Variants in PID1 observed in about 807,000 individuals in gnomAD.
The protein encoded by PID1 is PTB-containing, cubilin and LRP1-interacting protein.
A neutral mutation model predicts 19.1 loss-of-function variants in PID1; 10 were observed. The ratio of observed to expected loss-of-function variants is 0.52; its 90% CI spans 0.32 to 0.89. The LOEUF is 0.89. Among genes scored for constraint, PID1 ranks in the 40% least tolerant of loss-of-function variants. The probability of loss-of-function intolerance (pLI) is 0.03; values close to 1 mark genes in which losing one functional copy is unlikely to be tolerated. For missense variants in PID1, 248 were observed against 285.3 expected, an observed-to-expected ratio of 0.87 and a Z score of 0.94; for synonymous variants, 130 against 116.0, an observed-to-expected ratio of 1.12 and a Z score of -0.78.
chr2:229,207,516 G>A (rs145214538), intron 1 of PID1, among the ~76,000 whole-genome samples: 3 of 148,802 alleles, frequency 2.0e-5, no homozygotes, highest in Middle Eastern at 3.4e-3. Context: ...CTAGTAGGAC[G>A]ACCTCAATCT....
At chr2:229,180,553 G>A (rs1690918235) in intron 1 of PID1, among the ~76,000 whole-genome samples, 1 of 152,168 alleles carries the variant, frequency 6.6e-6, no homozygotes, top group Non-Finnish European at 1.5e-5. Context: ...AGGTTTCCAT[G>A]ATCCACCACA....
chr2:229,182,794 G>A (rs191274205), intron 1 of PID1, among the ~76,000 whole-genome samples: 7 of 152,276 alleles, frequency 4.6e-5, no homozygotes, highest in Non-Finnish European at 7.3e-5. Context: ...CTATGCCCAG[G>A]TCTGGGGAAA....
intron 2 of PID1, among the ~76,000 whole-genome samples, chr2:229,062,471 T>C (rs1253632415): frequency 6.6e-6 from 1 of 151,936 alleles, no homozygotes; most frequent in Non-Finnish European, 1.5e-5. Flanking sequence ...AACAATCCTT[T>C]TAATGCACTG....
intron 1 of PID1, among the ~76,000 whole-genome samples, chr2:229,232,431 C>CAAAAAA (rs386392861): frequency 2.4e-5 from 1 of 41,354 alleles, no homozygotes; most frequent in African/African-American, 1.1e-4. Flanking sequence ...GACTCCATCT[C>CAAAAAA]AAAAAAAAAA....
At chr2:229,122,986 T>G (rs1422438368) in intron 2 of PID1, among the ~76,000 whole-genome samples, 1 of 152,186 alleles carries the variant, frequency 6.6e-6, no homozygotes, top group African/African-American at 2.4e-5. Flanking sequence ...TACCTTACTG[T>G]TTTTTGTTTT....
In PID1 at chr2:229,204,765, C is replaced by G. The variant is rs147537133; in HGVS notation, c.31-48801G>C. 6.8e-4 allele frequency among the ~76,000 whole-genome samples: 104 copies of G among 152,176 alleles called. 1 individual carries two copies. The highest frequency in any genetic ancestry group is 2.4e-3 in the African/African-American group (98 of 41,530). On this transcript the variant is annotated intron_variant, in intron 1 of 2. Transcript: ENST00000392055. ...GAACAGTGAGGACTGCTATAAAGATCAAGTGAATGAATCATTATGGGTGGT... is the reference window on the plus strand; with the variant it reads ...GAACAGTGAGGACTGCTATAAAGATGAAGTGAATGAATCATTATGGGTGGT...
intron 2 of PID1, among the ~76,000 whole-genome samples, chr2:229,065,938 A>T (rs970403563): frequency 6.6e-6 from 1 of 152,160 alleles, no homozygotes; most frequent in Admixed American, 6.6e-5. Context: ...ACCCCCAAGT[A>T]AAACATTTCA....
rs574907952 is a variant in PID1, at chr2:229,151,850, G to A, written c.177+3968C>T. Among the ~76,000 whole-genome samples, 15 of 152,288 alleles carry A rather than the reference G, an allele frequency of 9.8e-5. 1 individual carries two copies. In the South Asian group the frequency reaches 2.9e-3, roughly 29 times the overall value. ...CTCCCAAAGTGCTGGGATTACAGGCGTGAGCCACCGCGCCCAGCTATTTTT... is the reference window on the plus strand; with the variant it reads ...CTCCCAAAGTGCTGGGATTACAGGCATGAGCCACCGCGCCCAGCTATTTTT... On this transcript the variant is annotated intron_variant, in intron 2 of 2. Transcript: ENST00000392055.
At chr2:229,065,729 A>AAAAAAAAAG (rs765746020) in intron 2 of PID1, among the ~76,000 whole-genome samples, 62 of 140,664 alleles carry the variant, frequency 4.4e-4, no homozygotes, top group East Asian at 1.3e-3. Flanking sequence ...AAAAAAAAAA[A>AAAAAAAAAG]AAACAGGTTG....
At chr2:229,253,615 A>AC (rs1690211289) in intron 1 of PID1, among the ~76,000 whole-genome samples, 2 of 149,144 alleles carry the variant, frequency 1.3e-5, no homozygotes, top group African/African-American at 4.9e-5. Context: ...AAAAAATTGC[A>AC]CCCTTTCTCC....
intron 2 of PID1, among the ~76,000 whole-genome samples, chr2:229,149,137 TCTGTATAATTG>T (rs1690195752): frequency 1.3e-5 from 2 of 151,786 alleles, no homozygotes; most frequent in South Asian, 4.2e-4. Context: ...CAAAAGAAAG[TCTGTATAATTG>T]GCATAGGATT....
At chr2:229,180,719 A>C (rs1323927753) in intron 1 of PID1, among the ~76,000 whole-genome samples, 4 of 152,222 alleles carry the variant, frequency 2.6e-5, no homozygotes, top group Non-Finnish European at 5.9e-5. Flanking sequence ...TTAATGACTT[A>C]ACGGCTGATT....
intron 1 of PID1, among the ~76,000 whole-genome samples, chr2:229,256,316 CT>C (rs1559305272): frequency 6.6e-6 from 1 of 152,122 alleles, no homozygotes; most frequent in South Asian, 2.1e-4. Flanking sequence ...ATAAATTCCT[CT>C]AATTTTCGAA....
At chr2:229,130,538 G>A (rs78938907) in intron 2 of PID1, among the ~76,000 whole-genome samples, 6,360 of 152,258 alleles carry the variant, frequency 0.042, 145 homozygotes, top group African/African-American at 0.062. Context: ...GGGATGTGGC[G>A]GAGCAAGTTA....
intron 1 of PID1, among the ~76,000 whole-genome samples, chr2:229,228,796 TA>T (rs1692139225): frequency 6.6e-6 from 1 of 152,162 alleles, no homozygotes; most frequent in Admixed American, 6.5e-5. Flanking sequence ...TTAATGAAAA[TA>T]TCCTTTTATC....
rs572265347 is a variant in PID1, at chr2:229,157,415, A to T, written c.31-1451T>A. Among the ~76,000 whole-genome samples the T allele has an allele frequency of 3.4e-5, 5 of 148,000 alleles. No individual in the cohort carries two copies. In the South Asian group the frequency reaches 1.1e-3, roughly 32 times the overall value. ...ACTGTACTCCAGCCTGGGCGATAAG[A>T]GCAAGATTCCATCTCAAAAAAAAAA... On this transcript the variant is annotated intron_variant, in intron 1 of 2. Transcript: ENST00000392055.
chr2:229,097,766 TTCC>T (rs1056185313), intron 2 of PID1, among the ~76,000 whole-genome samples: 34 of 152,278 alleles, frequency 2.2e-4, no homozygotes, highest in African/African-American at 7.9e-4. Flanking sequence ...GCTGAAAGTT[TTCC>T]TCCTATTTTT....
chr2:229,118,574 C>T (rs557269022), intron 2 of PID1, among the ~76,000 whole-genome samples: 1 of 152,210 alleles, frequency 6.6e-6, no homozygotes, highest in Non-Finnish European at 1.5e-5. Flanking sequence ...AGATGCTTCA[C>T]AACAAAGTTT....
intron 2 of PID1, among the ~76,000 whole-genome samples, chr2:229,067,117 A>C (rs1694343816): frequency 6.6e-6 from 1 of 152,140 alleles, no homozygotes; most frequent in Admixed American, 6.5e-5. Flanking sequence ...TGGGGCAGGA[A>C]GGAGAAGTGC....
Sources: gnomAD v4.1 joint callset for allele counts (sites outside exome capture counted in the v4.1 genomes callset) on GRCh38, gnomAD v4.1.1 for gene constraint, MANE v1.5 for transcripts, NCBI Gene and HGNC (gene_info 2026-07-23, HGNC 2026-07-21) for gene names.